The following MARCHF1 variants were observed in gnomAD, a reference collection of about 807,000 sequenced individuals.
The protein encoded by MARCHF1 is E3 ubiquitin-protein ligase MARCHF1.
A neutral mutation model predicts 54.2 loss-of-function variants in MARCHF1; 40 were observed. The ratio of observed to expected loss-of-function variants is 0.74; its 90% CI spans 0.57 to 0.96. MARCHF1 has a LOEUF of 0.96. Among genes scored for constraint, MARCHF1 ranks in the 40% least tolerant of loss-of-function variants. MARCHF1 has a pLI of 0.00. For missense variants in MARCHF1, 586 were observed against 656.5 expected (o/e 0.89, Z 1.17); for synonymous variants, 236 against 236.3 (o/e 1.00, Z 0.01).
intron 3 of MARCHF1, among the ~76,000 whole-genome samples, chr4:163,904,262 A>G (rs1251854812): frequency 6.6e-6 from 1 of 152,228 alleles, no homozygotes; most frequent in Admixed American, 6.5e-5. Context: ...ACAAAAAAGA[A>G]AAGCTGAACA....
At chr4:163,600,865 A>C (rs1045560817) in intron 7 of MARCHF1, among the ~76,000 whole-genome samples, 1 of 152,154 alleles carries the variant, frequency 6.6e-6, no homozygotes, top group African/African-American at 2.4e-5. Flanking sequence ...GTCGATACTA[A>C]AATCCGTCGC....
chr4:164,164,736 TC>T (rs1452103291), intron 1 of MARCHF1, among the ~76,000 whole-genome samples: 1 of 152,014 alleles, frequency 6.6e-6, no homozygotes, highest in African/African-American at 2.4e-5. Context: ...GTGACAACAA[TC>T]AAGGCTTTGA....
intron 8 of MARCHF1, among the ~76,000 whole-genome samples, chr4:163,549,538 C>G (rs1364132402): frequency 6.6e-6 from 1 of 152,124 alleles, no homozygotes; most frequent in African/African-American, 2.4e-5. Flanking sequence ...CTCCTTTATA[C>G]CTTGAAGATG....
At chr4:163,954,466 T>C (rs1264408603) in intron 3 of MARCHF1, among the ~76,000 whole-genome samples, 3 of 152,162 alleles carry the variant, frequency 2.0e-5, no homozygotes, top group Admixed American at 6.5e-5. Flanking sequence ...TTCTCATTTG[T>C]CCCTTGGATA....
At chr4:163,730,082 A>G (rs948642030) in intron 4 of MARCHF1, among the ~76,000 whole-genome samples, 3 of 151,914 alleles carry the variant, frequency 2.0e-5, no homozygotes, top group Admixed American at 6.6e-5. Flanking sequence ...CTTTTCTTCA[A>G]TATTTTCTTT....
At chr4:164,302,117 T>C (rs1734576134) in intron 1 of MARCHF1, among the ~76,000 whole-genome samples, 2 of 152,168 alleles carry the variant, frequency 1.3e-5, no homozygotes, top group African/African-American at 2.4e-5. Context: ...TTTTGGAAAG[T>C]AGTGACGGAA....
intron 3 of MARCHF1, among the ~76,000 whole-genome samples, chr4:163,961,368 A>G (rs1752343638): frequency 6.6e-6 from 1 of 152,028 alleles, no homozygotes. Flanking sequence ...TCTTATATTT[A>G]AAATGAGTTC....
intron 7 of MARCHF1, among the ~76,000 whole-genome samples, chr4:163,594,862 C>T (rs554868788): frequency 4.6e-5 from 7 of 152,094 alleles, no homozygotes; most frequent in South Asian, 2.1e-4. Flanking sequence ...GGAATAAAAA[C>T]GGTGCAGCTG....
At chr4:164,010,217 C>T (rs1381582403) in intron 2 of MARCHF1, among the ~76,000 whole-genome samples, 2 of 151,644 alleles carry the variant, frequency 1.3e-5, no homozygotes, top group African/African-American at 4.8e-5. Context: ...CAGGAGCATG[C>T]CACCACGCTC....
intron 1 of MARCHF1, among the ~76,000 whole-genome samples, chr4:164,310,049 GA>G (rs1734806168): frequency 6.6e-6 from 1 of 151,556 alleles, no homozygotes; most frequent in African/African-American, 2.4e-5. Flanking sequence ...GGGTACATGA[GA>G]TTTTTTAATT....
chr4:163,721,211 C>A (rs1745445338), intron 4 of MARCHF1, among the ~76,000 whole-genome samples: 1 of 152,114 alleles, frequency 6.6e-6, no homozygotes, highest in Admixed American at 6.5e-5. Flanking sequence ...CCATCAATAC[C>A]TAATTTATTG....
chr4:164,333,247 T>C (rs1196452095), intron 1 of MARCHF1, among the ~76,000 whole-genome samples: 1 of 152,166 alleles, frequency 6.6e-6, no homozygotes, highest in African/African-American at 2.4e-5. Flanking sequence ...TGTATATAAA[T>C]ATGTATATAT....
chr4:163,569,285 C>T (rs1739752162), intron 8 of MARCHF1, among the ~76,000 whole-genome samples: 1 of 152,020 alleles, frequency 6.6e-6, no homozygotes, highest in Admixed American at 6.6e-5. Context: ...TCACGATAGC[C>T]ACGCTGTAAT....
chr4:163,820,879 C>T lies in MARCHF1; in HGVS notation c.111+33142G>A, dbSNP rs114416762. On this transcript the variant is annotated intron_variant, in intron 4 of 9. Transcript: ENST00000514618. ...GAAATAGCCTTCTAAGTTCTACCCA[C>T]ATCTGATCTTGTCCCATTTATAGTG... 3.2e-3 allele frequency among the ~76,000 whole-genome samples: 481 copies of T among 152,158 alleles called. 3 individuals are homozygous for T. The highest frequency in any genetic ancestry group is 0.011 in the African/African-American group (459 of 41,540).
chr4:164,214,087 A>G lies in MARCHF1; in HGVS notation c.-322-102425T>C, dbSNP rs528305560. On this transcript the variant is annotated intron_variant, in intron 1 of 9. Transcript: ENST00000514618. ...CCTACTATGTACCCATAAAAATTTT[A>G]AAACGTCCATGTAAATATATATATT... 4.6e-5 allele frequency among the ~76,000 whole-genome samples: 7 copies of G among 152,216 alleles called. No homozygotes were observed. In the South Asian group the frequency reaches 1.4e-3, roughly 31 times the overall value.
intron 3 of MARCHF1, among the ~76,000 whole-genome samples, chr4:163,933,366 C>A (rs1159994087): frequency 6.6e-6 from 1 of 152,196 alleles, no homozygotes; most frequent in African/African-American, 2.4e-5. Context: ...TATACGGAAT[C>A]ATCTGTTTAC....
intron 1 of MARCHF1, among the ~76,000 whole-genome samples, chr4:164,268,166 T>A (rs1733656541): frequency 6.6e-6 from 1 of 152,154 alleles, no homozygotes; most frequent in African/African-American, 2.4e-5. Context: ...TATTATTAGA[T>A]GTAGATTATG....
At chr4:164,078,388 G>A (rs1441267941) in intron 2 of MARCHF1, among the ~76,000 whole-genome samples, 3 of 152,104 alleles carry the variant, frequency 2.0e-5, no homozygotes, top group Admixed American at 6.6e-5. Context: ...GGAGTTGGGG[G>A]TTAGGGGAAG....
intron 1 of MARCHF1, among the ~76,000 whole-genome samples, chr4:164,176,939 G>GCACTCTCT (rs1491410602): frequency 1.5e-4 from 8 of 53,676 alleles, no homozygotes; most frequent in African/African-American, 4.9e-4. Flanking sequence ...AGTACCTTGT[G>GCACTCTCT]CGCTCTCTCT....
Sources: gnomAD v4.1 joint callset for allele counts (sites outside exome capture counted in the v4.1 genomes callset) on GRCh38, gnomAD v4.1.1 for gene constraint, MANE v1.5 for transcripts, NCBI Gene and HGNC (gene_info 2026-07-23, HGNC 2026-07-21) for gene names.